CLIP3: variants seen among roughly 807,000 people sequenced by gnomAD.
CLIP3 encodes the protein CAP-Gly domain containing linker protein 3.
Under a neutral mutation model 59.4 loss-of-function variants are expected in CLIP3, and 15 were observed. That is an observed-to-expected ratio of 0.25 (90% CI 0.17 to 0.39). The LOEUF is 0.39. CLIP3 is among the 10% of genes least tolerant of loss of function. The pLI is 1.00. For synonymous variants in CLIP3, 300 were observed against 321.6 expected, an observed-to-expected ratio of 0.93 and a Z score of 0.72; for missense variants, 495 against 765.7, an observed-to-expected ratio of 0.65 and a Z score of 4.17.
chr19:36,023,916 C>T (rs1969019218), intron 7 of CLIP3, among the ~76,000 whole-genome samples: 1 of 152,126 alleles, frequency 6.6e-6, no homozygotes, highest in Admixed American at 6.6e-5. Flanking sequence ...CTGTGATACC[C>T]GCTCCCCCAA....
chr19:36,029,431 A>G (rs1000582183), intron 2 of CLIP3, among the ~76,000 whole-genome samples: 1 of 151,222 alleles, frequency 6.6e-6, no homozygotes, highest in Non-Finnish European at 1.5e-5. Context: ...GGACTACAGT[A>G]TACATCACCA....
At position 36,032,281 on chromosome 19, in the gene CLIP3, G is replaced by T. The variant is rs1969286406; in HGVS notation, c.77C>A (p.Pro26His). 1 of 1,299,766 alleles carries T rather than the reference G, an allele frequency of 7.7e-7. No homozygotes were observed. The highest frequency in any genetic ancestry group is 1.5e-5 in the African/African-American group (1 of 65,688). 80.5% of individuals were successfully genotyped at this position (1,299,766 alleles called of 1,614,324 possible). Residue 26 changes from proline (P) to histidine (H), a missense_variant, in exon 2 of 14, where the codon CCC (proline) becomes CAC (histidine). Physicochemically the swap from Pro to His is moderately conservative, Grantham distance 77. Around this residue, in one of 5 missense-constraint regions of CLIP3, gnomAD observed 90 missense variants for 105.2 expected, o/e 0.86. Transcript: ENST00000360535. The surrounding 1 kb of genome is among the most constrained non-coding windows in gnomAD (Gnocchi z 4.3). ...EEEEEEEEDEPVPEAPSPTQE... is the reference protein window; with the variant it reads ...EEEEEEEEDEHVPEAPSPTQE... ...GGTGGGGCTGGGGGCCTCGGGGACG[G>T]GTTCATCCTCCTCCTCCTCTTCTTC...
chr19:36,025,060 C>T (rs376486445), intron 6 of CLIP3, among the ~76,000 whole-genome samples: 25 of 145,030 alleles, frequency 1.7e-4, no homozygotes, highest in Non-Finnish European at 2.7e-4. Context: ...AGCGAGACTC[C>T]GTCTCAAAAA....
chr19:36,024,495 G>C lies in CLIP3; in HGVS notation c.819C>G (p.Pro273=), dbSNP rs201780687. 6.2e-7 allele frequency: 1 copy of C among 1,614,250 alleles called. No homozygotes were observed. Among genetic ancestry groups the C allele is most frequent in the East Asian group, 2.2e-5 (1 of 44,884 alleles). ...TGTCATAGTTGGGTAGCGTGACCTT[G>C]GGGAGGGCGCAAGATAGTGGCACTG... ...EEAVPLSCAL[P]KVTLPNYDNV... is the part of the protein sequence containing the mutation. The change falls in exon 7 of 14, where the codon CCC becomes CCG. Residue 273 remains proline, a synonymous_variant. Coordinates refer to ENST00000360535, the MANE Select transcript of CLIP3 (RefSeq NM_015526.3).
At chr19:36,023,800 C>G (rs920971965) in intron 7 of CLIP3, among the ~76,000 whole-genome samples, 5 of 152,140 alleles carry the variant, frequency 3.3e-5, no homozygotes, top group African/African-American at 1.2e-4. Context: ...AGACACAGCC[C>G]TCCCTCCCTA....
At chr19:36,027,941 G>A (rs929148539) in intron 2 of CLIP3, among the ~76,000 whole-genome samples, 12 of 151,762 alleles carry the variant, frequency 7.9e-5, no homozygotes, top group African/African-American at 2.7e-4. Context: ...GAGACAGGAG[G>A]ATTGCTTGAG....
intron 7 of CLIP3, among the ~76,000 whole-genome samples, chr19:36,021,008 C>T (rs1201840596): frequency 6.6e-6 from 1 of 152,114 alleles, no homozygotes; most frequent in African/African-American, 2.4e-5. Context: ...TGAACGCCAC[C>T]AAAGCCTGGC....
At position 36,031,008 on chromosome 19, in the gene CLIP3, C is replaced by CTTTTTTTTTTTTTT. The variant is rs374690845; in HGVS notation, c.166+1170_166+1183dup. Reference sequence around the variant, plus strand: ...TTTTTCTTTTTTCTTTTTTTCTTTTCTTTTTTTTTTTTTTCTTTTTTTTTT... The same window carrying CTTTTTTTTTTTTTT: ...TTTTTCTTTTTTCTTTTTTTCTTTTCTTTTTTTTTTTTTTTTTTTTTTTTTTTTCTTTTTTTTTT... On this transcript the variant is annotated intron_variant, in intron 2 of 13. Coordinates refer to ENST00000360535, the MANE Select transcript of CLIP3 (RefSeq NM_015526.3). 3.1e-3 allele frequency among the ~76,000 whole-genome samples: 241 copies of CTTTTTTTTTTTTTT among 77,830 alleles called. 1 individual carries two copies. Among genetic ancestry groups the CTTTTTTTTTTTTTT allele is most frequent in the Non-Finnish European group, 3.7e-3 (161 of 42,998 alleles). The allele number at this position is 77,830 out of a possible 152,430, so 51.1% of individuals were successfully genotyped here.
In CLIP3 at chr19:36,015,390, T is replaced by G. The variant is rs566489333; in HGVS notation, c.*768A>C. On this transcript the variant is annotated 3_prime_UTR_variant, in exon 14 of 14. Transcript: ENST00000360535. The stretch of plus-strand genomic sequence containing the variant: ...GTCGTTACTTAAAAAATAGAGAATT[T>G]TCTGGGAGTCTGGCCAGCACAGGAG... 2.0e-5 allele frequency: 3 copies of G among 152,492 alleles called. No individual in the cohort carries two copies. Among genetic ancestry groups the G allele is most frequent in the African/African-American group, 7.3e-5 (3 of 41,374 alleles). 9.4% of individuals were successfully genotyped at this position (152,492 alleles called of 1,614,324 possible).
At chr19:36,029,149 A>G (rs1969192248) in intron 2 of CLIP3, among the ~76,000 whole-genome samples, 1 of 150,884 alleles carries the variant, frequency 6.6e-6, no homozygotes, top group South Asian at 2.1e-4. Flanking sequence ...GTGAAACTCC[A>G]TCTCTACTAA....
rs374873676 is a variant in CLIP3, at chr19:36,017,497, G to A, written c.1452-47C>T. The A allele has an allele frequency of 2.5e-6, 4 of 1,609,444 alleles. No individual in the cohort carries two copies. In the African/African-American group the frequency reaches 4.0e-5, roughly 16 times the overall value. ...GAGAAGTCAGAGCCACAAAAGGCCA[G>A]GGTCTGACTGAGAGCTGGGCCCCAG... On this transcript the variant is annotated intron_variant, in intron 11 of 13. Transcript: ENST00000360535.
Position 36,026,770 on chromosome 19 carries a change from T to C in CLIP3, c.401-23A>G. On this transcript the variant is annotated intron_variant, in intron 4 of 13. Coordinates refer to ENST00000360535, the MANE Select transcript of CLIP3 (RefSeq NM_015526.3). The surrounding 1 kb of genome is among the most constrained non-coding windows in gnomAD (Gnocchi z 6.3). The stretch of plus-strand genomic sequence containing the variant: ...CCCCTGCGCGATAGGCCGGGTCAGC[T>C]TGGAACCCCCATTCCAGAGCATGGG... The C allele has an allele frequency of 1.3e-6, 2 of 1,586,726 alleles. No individual in the cohort carries two copies. Among genetic ancestry groups the C allele is most frequent in the Non-Finnish European group, 8.5e-7 (1 of 1,172,212 alleles).
Position 36,016,255 on chromosome 19 carries a change from G to A in CLIP3, c.1590-43C>T, listed in dbSNP as rs763154323. Reference sequence around the variant, plus strand: ...AGGGTCACGCCCTTAGGCAGGCAGCGGGGACATCTGCACCCATCACCCCCA... The same window carrying A: ...AGGGTCACGCCCTTAGGCAGGCAGCAGGGACATCTGCACCCATCACCCCCA... On this transcript the variant is annotated intron_variant, in intron 13 of 13. Transcript: ENST00000360535. This position sits in a 1 kb window ranked among gnomAD's most constrained non-coding sequence, Gnocchi z 4.1. 2.5e-5 allele frequency: 41 copies of A among 1,608,756 alleles called. No homozygotes were observed. The highest frequency in any genetic ancestry group is 6.7e-5 in the Admixed American group (4 of 59,708).
At chr19:36,020,165 T>G (rs2145393902) in intron 7 of CLIP3, among the ~76,000 whole-genome samples, 1 of 152,220 alleles carries the variant, frequency 6.6e-6, no homozygotes, top group South Asian at 2.1e-4. Context: ...GGTGGGAGGA[T>G]CGCTTGAGCC....
rs112013428 is a variant in CLIP3, at chr19:36,031,003, C to T, written c.166+1189G>A. Among the ~76,000 whole-genome samples, 591 of 62,660 alleles carry T rather than the reference C, an allele frequency of 9.4e-3. 2 individuals carry two copies. Among genetic ancestry groups the T allele is most frequent in the Middle Eastern group, 0.021 (2 of 96 alleles). 41.1% of individuals were successfully genotyped at this position (62,660 alleles called of 152,430 possible). A position where few individuals can be genotyped will look rare whatever the true frequency, so the allele number is the denominator to read the frequency against. Reference sequence around the variant, plus strand: ...ATTTCTTTTTCTTTTTTCTTTTTTTCTTTTCTTTTTTTTTTTTTTCTTTTT... The same window carrying T: ...ATTTCTTTTTCTTTTTTCTTTTTTTTTTTTCTTTTTTTTTTTTTTCTTTTT... On this transcript the variant is annotated intron_variant, in intron 2 of 13. Coordinates refer to ENST00000360535, the MANE Select transcript of CLIP3 (RefSeq NM_015526.3).
In CLIP3 at chr19:36,014,847, G is replaced by A. The variant is rs1968748058; in HGVS notation, c.*1311C>T. The A allele has an allele frequency of 6.5e-6, 1 of 153,568 alleles. No homozygotes were observed. The highest frequency in any genetic ancestry group is 1.5e-5 in the Non-Finnish European group (1 of 68,670). The allele number at this position is 153,568 out of a possible 1,614,324, so 9.5% of individuals were successfully genotyped here. ...TGCTGTGGGGTCCTTTGAGGCCAGT[G>A]ACTAGAACGTAGATTGAAATCGGGG... is the stretch of plus-strand genomic sequence containing the variant. On this transcript the variant is annotated 3_prime_UTR_variant, in exon 14 of 14. Transcript: ENST00000360535.
At chr19:36,017,623 G>T (rs533248433) in intron 11 of CLIP3, 32 bp downstream of exon 11, 1 of 1,613,130 alleles carries the variant, frequency 6.2e-7, no homozygotes, top group Non-Finnish European at 8.5e-7. Context: ...TCCAGGTGGT[G>T]CCCTGGGTTT....
At chr19:36,017,810 G>T (rs1429437079) in intron 10 of CLIP3, 32 bp from the exon 11 acceptor site, 1 of 1,614,012 alleles carries the variant, frequency 6.2e-7, no homozygotes, top group African/African-American at 1.3e-5. Context: ...ATTTCTCAAG[G>T]CCCTGCCTGC....
In CLIP3 at chr19:36,018,890, T is replaced by A. The variant is rs376323736; in HGVS notation, c.1183+8A>T. 1.5e-5 allele frequency: 24 copies of A among 1,612,568 alleles called. No individual in the cohort carries two copies. Among genetic ancestry groups the A allele is most frequent in the Non-Finnish European group, 2.0e-5 (24 of 1,179,266 alleles). On this transcript the variant is annotated splice_region_variant and intron_variant, in intron 9 of 13. Coordinates refer to ENST00000360535, the MANE Select transcript of CLIP3 (RefSeq NM_015526.3). Reference sequence around the variant, plus strand: ...GGCTCTTCCCACCACAGGGATCCCCTCTCTGACCTTTGTGTTCCCTGCGGC... The same window carrying A: ...GGCTCTTCCCACCACAGGGATCCCCACTCTGACCTTTGTGTTCCCTGCGGC...
Sources: gnomAD v4.1 joint callset for allele counts (sites outside exome capture counted in the v4.1 genomes callset) on GRCh38, gnomAD v4.1.1 for gene constraint, gnomAD v4.1.1 regional missense constraint, Gnocchi (gnomAD v3.1) non-coding constraint, MANE v1.5 for transcripts, NCBI Gene and HGNC (gene_info 2026-07-23, HGNC 2026-07-21) for gene names.